HMGCLL1: variants seen among roughly 807,000 people sequenced by gnomAD.
The protein encoded by HMGCLL1 is 3-hydroxymethyl-3-methylglutaryl-CoA lyase, cytoplasmic.
In HMGCLL1, 36 loss-of-function variants were observed where a neutral mutation model predicts 39.1. The observed-to-expected ratio is 0.92, with a 90% CI of 0.71 to 1.22. HMGCLL1 has a LOEUF of 1.22. Among genes scored for constraint, HMGCLL1 ranks in the 50% most tolerant of loss-of-function variants. HMGCLL1 has a pLI of 0.00. For missense variants in HMGCLL1, 451 were observed against 416.5 expected, an observed-to-expected ratio of 1.08 and a Z score of -0.72; for synonymous variants, 149 against 144.0, an observed-to-expected ratio of 1.03 and a Z score of -0.25.
intron 3 of HMGCLL1, among the ~76,000 whole-genome samples, chr6:55,524,463 T>TAAAAAAAAA (rs376524274): frequency 7.4e-6 from 1 of 134,540 alleles, no homozygotes; most frequent in Non-Finnish European, 1.6e-5. Flanking sequence ...TTATAGTCTT[T>TAAAAAAAAA]AAAAAAAAAA....
the HMGCLL1 span, among the ~76,000 whole-genome samples, chr6:55,617,927 C>A: frequency 6.6e-6 from 1 of 151,910 alleles, no homozygotes; most frequent in Non-Finnish European, 1.5e-5. Flanking sequence ...TATGTTCATA[C>A]AATGGAACAT....
At chr6:55,497,295 T>C (rs577513616) in intron 6 of HMGCLL1, among the ~76,000 whole-genome samples, 35 of 152,120 alleles carry the variant, frequency 2.3e-4, no homozygotes, top group African/African-American at 8.2e-4. Context: ...TTTTAGCATA[T>C]TTTCTAAGCC....
the HMGCLL1 span, among the ~76,000 whole-genome samples, chr6:55,601,033 T>C: frequency 6.6e-6 from 1 of 152,200 alleles, no homozygotes; most frequent in Non-Finnish European, 1.5e-5. Flanking sequence ...ATTTTTAACA[T>C]TTTATGTCAA....
At chr6:55,639,088 G>T in the HMGCLL1 span, among the ~76,000 whole-genome samples, 10 of 152,002 alleles carry the variant, frequency 6.6e-5, no homozygotes, top group South Asian at 2.1e-4. Context: ...AACTTTATTT[G>T]CTTTAGTTTT....
At chr6:55,586,748 G>A in the HMGCLL1 span, among the ~76,000 whole-genome samples, 5 of 152,042 alleles carry the variant, frequency 3.3e-5, no homozygotes, top group African/African-American at 1.2e-4. Flanking sequence ...TGGCTGCATA[G>A]TATTCTATGG....
chr6:55,477,242 T>A lies in HMGCLL1; in HGVS notation c.795+18177A>T, dbSNP rs1323049547. 1.4e-3 allele frequency among the ~76,000 whole-genome samples: 23 copies of A among 16,882 alleles called. 1 individual carries two copies. The highest frequency in any genetic ancestry group is 0.011 in the African/African-American group (22 of 2,056). The allele number at this position is 16,882 out of a possible 152,430, so 11.1% of individuals were successfully genotyped here. ...TATAATATATAATATATATTATATT[T>A]ATATAATATATAATATATATTATAT... On this transcript the variant is annotated intron_variant, in intron 7 of 8. Transcript: ENST00000274901.
At chr6:55,595,853 C>T in the HMGCLL1 span, among the ~76,000 whole-genome samples, 77,289 of 152,026 alleles carry the variant, frequency 0.51, 19,981 homozygotes, top group South Asian at 0.61. Flanking sequence ...ACCAAACTGA[C>T]GTTAAACGCT....
chr6:55,566,716 T>G (rs1294350841), intron 1 of HMGCLL1: 1 of 449,024 alleles, frequency 2.2e-6, no homozygotes, highest in Non-Finnish European at 4.5e-6. Context: ...AAATGAAAAG[T>G]TGGAATCTAA....
At chr6:55,575,502 T>C (rs1295801673) in intron 1 of HMGCLL1, among the ~76,000 whole-genome samples, 4 of 152,120 alleles carry the variant, frequency 2.6e-5, no homozygotes. Flanking sequence ...CACAAAACCA[T>C]GGAATAAGTT....
the HMGCLL1 span, among the ~76,000 whole-genome samples, chr6:55,631,772 A>G: frequency 5.9e-5 from 9 of 152,156 alleles, no homozygotes; most frequent in African/African-American, 2.2e-4. Flanking sequence ...TAAATACAAC[A>G]TGACAAATTA....
chr6:55,673,581 A>G, the HMGCLL1 span, among the ~76,000 whole-genome samples: 1 of 152,048 alleles, frequency 6.6e-6, no homozygotes, highest in Non-Finnish European at 1.5e-5. Flanking sequence ...AAACAAGCAA[A>G]TAAAAACAAG....
the HMGCLL1 span, among the ~76,000 whole-genome samples, chr6:55,600,927 G>A: frequency 6.6e-6 from 1 of 151,984 alleles, no homozygotes; most frequent in Non-Finnish European, 1.5e-5. Flanking sequence ...CAAAAACAAG[G>A]AACTGTTTAT....
chr6:55,480,370 G>C lies in HMGCLL1; in HGVS notation c.795+15049C>G, dbSNP rs557958470. Among the ~76,000 whole-genome samples, 54 of 151,606 alleles carry C rather than the reference G, an allele frequency of 3.6e-4. 3 individuals carry two copies. Among genetic ancestry groups the C allele is most frequent in the African/African-American group, 1.3e-3 (53 of 41,048 alleles). On this transcript the variant is annotated intron_variant, in intron 7 of 8. Transcript: ENST00000274901. ...TAAATGTCAAACAAGCATATGAAAA[G>C]GTTCTCAACATAACTGATCATCAGA...
chr6:55,482,801 T>C (rs941879306), intron 7 of HMGCLL1, among the ~76,000 whole-genome samples: 2 of 152,152 alleles, frequency 1.3e-5, no homozygotes, highest in African/African-American at 2.4e-5. Flanking sequence ...ATTGATGTCA[T>C]GAAAATATTT....
At chr6:55,669,529 T>TA in the HMGCLL1 span, among the ~76,000 whole-genome samples, 1 of 151,670 alleles carries the variant, frequency 6.6e-6, no homozygotes, top group Admixed American at 6.6e-5. Context: ...ATACAATCAA[T>TA]AGACACCAAT....
At chr6:55,647,321 G>C in the HMGCLL1 span, among the ~76,000 whole-genome samples, 9 of 151,960 alleles carry the variant, frequency 5.9e-5, no homozygotes, top group African/African-American at 2.2e-4. Flanking sequence ...GTAGGTAACA[G>C]ATCATTGGGT....
chr6:55,572,471 T>C (rs1771552317), intron 1 of HMGCLL1, among the ~76,000 whole-genome samples: 1 of 152,082 alleles, frequency 6.6e-6, no homozygotes, highest in Non-Finnish European at 1.5e-5. Context: ...AAATTGGACA[T>C]AATATTACTT....
chr6:55,591,174 A>C, the HMGCLL1 span, among the ~76,000 whole-genome samples: 1 of 152,168 alleles, frequency 6.6e-6, no homozygotes, highest in South Asian at 2.1e-4. Context: ...CTTTAGAGCT[A>C]GAATTTGAAT....
At chr6:55,579,195 A>G, upstream of HMGCLL1, 1 of 666,160 alleles carries the variant, frequency 1.5e-6, no homozygotes, top group Non-Finnish European at 2.6e-6. Flanking sequence ...TGTTCTGCGC[A>G]CTGCGGCGGC....
Sources: allele counts gnomAD v4.1 joint callset (sites outside exome capture counted in the v4.1 genomes callset), GRCh38; gene constraint gnomAD v4.1.1; transcripts MANE v1.5; gene names NCBI Gene and HGNC (gene_info 2026-07-23, HGNC 2026-07-21).